The following DYDC2 variants were observed in gnomAD, a reference collection of about 807,000 sequenced individuals.
The protein encoded by DYDC2 is DPY30 domain containing 2, also known as DPY30 domain-containing protein 2.
DYDC2 carries 19 observed loss-of-function variants against 18.7 expected under a neutral mutation model. That is an observed-to-expected ratio of 1.02 (90% CI 0.71 to 1.49). The LOEUF (loss-of-function observed/expected upper bound fraction) is 1.49, where lower values mean the gene tolerates loss of function less well. Among genes scored for constraint, DYDC2 ranks in the 40% most tolerant of loss-of-function variants. DYDC2 has a pLI of 0.00. For missense variants in DYDC2, 179 were observed against 205.1 expected, an observed-to-expected ratio of 0.87 and a Z score of 0.78; for synonymous variants, 63 against 67.6, an observed-to-expected ratio of 0.93 and a Z score of 0.34.
chr10:80,365,380 C>T (rs1297661943), intron 4 of DYDC2, among the ~76,000 whole-genome samples: 1 of 152,188 alleles, frequency 6.6e-6, no homozygotes, highest in Non-Finnish European at 1.5e-5. Context: ...CTTCATTAAG[C>T]AGATGCAGCT....
Position 80,367,132 on chromosome 10 carries a change from T to C in DYDC2, c.*181T>C. The C allele has an allele frequency of 2.9e-6, 2 of 698,526 alleles. No individual in the cohort carries two copies. 43.3% of individuals were successfully genotyped at this position (698,526 alleles called of 1,614,324 possible). ...GAACTAGTTATAGGATAAAATAAAC[T>C]CAGAATAAGGATTTAAAATAAGTAA... On this transcript the variant is annotated 3_prime_UTR_variant, in exon 5 of 5. Transcript: ENST00000256039.
upstream of DYDC2, chr10:80,356,253 C>T: frequency 1.0e-6 from 1 of 985,464 alleles, no homozygotes; most frequent in Non-Finnish European, 1.2e-6. Flanking sequence ...TTCACATACA[C>T]CAATAGGCAT....
intron 1 of DYDC2, among the ~76,000 whole-genome samples, chr10:80,347,331 A>G (rs1448628083): frequency 1.7e-5 from 1 of 60,040 alleles, no homozygotes; most frequent in East Asian, 4.0e-4. Flanking sequence ...TTCCTTATAT[A>G]TTTTGGAGAT....
At position 80,366,690 on chromosome 10, in the gene DYDC2, A is replaced by T. The variant is rs569988627; in HGVS notation, c.273A>T (p.Glu91Asp). 25 of 1,597,480 alleles carry T rather than the reference A, an allele frequency of 1.6e-5. No individual in the cohort carries two copies. The South Asian group carries it at 2.5e-4, about 16-fold the overall frequency. ...CGGCTTTTTTGTTTTCTATTTAGGA[A>T]CTGACTTCTGAAACTGTTTCCACGA... ...IQQNCEKCHKELTSETVSTKK... is the reference protein window; with the variant it reads ...IQQNCEKCHKDLTSETVSTKK... Residue 91 changes from glutamate to aspartate, a missense_variant and splice_region_variant, in exon 5 of 5, where the codon GAA becomes GAT. Physicochemically the swap from Glu to Asp is conservative, Grantham distance 45. Coordinates refer to ENST00000256039, the MANE Select transcript of DYDC2 (RefSeq NM_032372.6).
chr10:80,352,675 T>A, upstream of DYDC2: 1 of 1,507,558 alleles, frequency 6.6e-7, no homozygotes. Context: ...AAAACTAAAG[T>A]CCAGTGAGGT....
intron 2 of DYDC2, among the ~76,000 whole-genome samples, chr10:80,358,430 A>C (rs1199067740): frequency 6.6e-6 from 1 of 152,178 alleles, no homozygotes; most frequent in African/African-American, 2.4e-5. Flanking sequence ...CAGCCCTCAG[A>C]TTATGGCTCT....
chr10:80,345,884 G>T (rs1418328214), intron 1 of DYDC2, among the ~76,000 whole-genome samples: 1 of 152,088 alleles, frequency 6.6e-6, no homozygotes. Flanking sequence ...TCAAGACAGG[G>T]TCTTGCTCTG....
In DYDC2 at chr10:80,360,440, A is replaced by T. The variant is rs117587432; in HGVS notation, c.-9-1995A>T. 7.2e-3 allele frequency among the ~76,000 whole-genome samples: 1,096 copies of T among 152,252 alleles called. 1 individual carries two copies. The highest frequency in any genetic ancestry group is 9.1e-3 in the Non-Finnish European group (619 of 68,020). On this transcript the variant is annotated intron_variant, in intron 2 of 4. Coordinates refer to ENST00000256039, the MANE Select transcript of DYDC2 (RefSeq NM_032372.6). ...ACCGTACTGTGTCCCTCTTATAGTG[A>T]CACCTGTGATTACATTGTTCCTACT...
At chr10:80,352,440 G>T, upstream of DYDC2, 1 of 1,560,068 alleles carries the variant, frequency 6.4e-7, no homozygotes, top group Non-Finnish European at 8.6e-7. Context: ...TTCCTAGAAG[G>T]AGATTCCTAC....
chr10:80,365,209 A>G (rs1364468457), intron 4 of DYDC2, among the ~76,000 whole-genome samples: 1 of 152,226 alleles, frequency 6.6e-6, no homozygotes, highest in Non-Finnish European at 1.5e-5. Context: ...GTCTTTAAGT[A>G]TCCCAGATTG....
At chr10:80,353,106 G>A (rs1843101889), upstream of DYDC2, among the ~76,000 whole-genome samples, 1 of 151,514 alleles carries the variant, frequency 6.6e-6, no homozygotes, top group South Asian at 2.1e-4. Context: ...TTCCTCCTAA[G>A]CCATGAGAGC....
intron 1 of DYDC2, among the ~76,000 whole-genome samples, chr10:80,345,448 TC>T (rs1267783729): frequency 6.6e-6 from 1 of 152,174 alleles, no homozygotes; most frequent in African/African-American, 2.4e-5. Context: ...AAATCTACTC[TC>T]TTAAAAATTT....
At chr10:80,358,855 T>C (rs952263977) in intron 2 of DYDC2, among the ~76,000 whole-genome samples, 2 of 152,142 alleles carry the variant, frequency 1.3e-5, no homozygotes, top group African/African-American at 4.8e-5. Flanking sequence ...TGTCCAGAGT[T>C]CGTTCCTTTT....
At chr10:80,360,421 C>G (rs1843628943) in intron 2 of DYDC2, among the ~76,000 whole-genome samples, 3 of 152,216 alleles carry the variant, frequency 2.0e-5, no homozygotes, top group Non-Finnish European at 4.4e-5. Context: ...TCTGACCGTA[C>G]TGTGTCCCTC....
chr10:80,352,482 A>G (rs1037373134), upstream of DYDC2: 2 of 1,610,484 alleles, frequency 1.2e-6, no homozygotes, highest in African/African-American at 1.3e-5. Context: ...CATTTTCCTT[A>G]TACTTGTAAA....
chr10:80,366,280 C>T (rs1843836558), intron 4 of DYDC2, among the ~76,000 whole-genome samples: 1 of 152,146 alleles, frequency 6.6e-6, no homozygotes, highest in African/African-American at 2.4e-5. Flanking sequence ...ACCCACCCAC[C>T]TCGGCCTCCC....
Position 80,362,431 on chromosome 10 carries a change from C to T in DYDC2, c.-9-4C>T. The T allele has an allele frequency of 6.2e-7, 1 of 1,606,426 alleles. No homozygotes were observed. The highest frequency in any genetic ancestry group is 1.1e-5 in the South Asian group (1 of 90,270). On this transcript the variant is annotated splice_region_variant and splice_polypyrimidine_tract_variant and intron_variant, in intron 2 of 4. Coordinates refer to ENST00000256039, the MANE Select transcript of DYDC2 (RefSeq NM_032372.6). ...TAGTGTGACTTTGTTTTGATGTTTTCCAGGCTGCCAGGATGGAAACTAACT... is the reference window on the plus strand; with the variant it reads ...TAGTGTGACTTTGTTTTGATGTTTTTCAGGCTGCCAGGATGGAAACTAACT...
upstream of DYDC2, among the ~76,000 whole-genome samples, chr10:80,354,706 G>A (rs1843250905): frequency 6.6e-6 from 1 of 151,920 alleles, no homozygotes; most frequent in Admixed American, 6.6e-5. Flanking sequence ...AAAAGAGATG[G>A]GAGAGCGTGC....
At chr10:80,361,287 A>G (rs537044251) in intron 2 of DYDC2, among the ~76,000 whole-genome samples, 102 of 152,116 alleles carry the variant, frequency 6.7e-4, no homozygotes, top group Non-Finnish European at 1.2e-3. Context: ...GAAATGTTTT[A>G]TGTACCATAA....
Sources: allele counts gnomAD v4.1 joint callset (sites outside exome capture counted in the v4.1 genomes callset), GRCh38; gene constraint gnomAD v4.1.1; transcripts MANE v1.5; gene names NCBI Gene and HGNC (gene_info 2026-07-23, HGNC 2026-07-21).